Variants in TUBGCP3 observed in about 807,000 individuals in gnomAD.
TUBGCP3 encodes tubulin gamma complex component 3.
TUBGCP3 carries 50 observed loss-of-function variants against 123.1 expected under a neutral mutation model. The observed-to-expected ratio is 0.41, with a 90% CI of 0.32 to 0.51. The LOEUF (loss-of-function observed/expected upper bound fraction) is 0.51, where lower values mean the gene tolerates loss of function less well. Ranked by LOEUF, TUBGCP3 falls within the 20% of genes least tolerant of loss-of-function variation. The pLI is 0.36. For missense variants in TUBGCP3, 882 were observed against 1,127.0 expected (o/e 0.78, Z 3.11); for synonymous variants, 405 against 413.9 (o/e 0.98, Z 0.26).
chr13:112,525,772 C>T (rs993088407), intron 13 of TUBGCP3, among the ~76,000 whole-genome samples: 4 of 152,168 alleles, frequency 2.6e-5, no homozygotes, highest in Admixed American at 2.0e-4. Flanking sequence ...CCAAACAAAG[C>T]CTTTGCATCC....
At chr13:112,487,053 ATGTGTGTG>A (rs10522089) in intron 21 of TUBGCP3, among the ~76,000 whole-genome samples, 33 of 147,504 alleles carry the variant, frequency 2.2e-4, no homozygotes, top group African/African-American at 1.2e-4. Flanking sequence ...AACACTGTGT[ATGTGTGTG>A]TGTGTGTGTG....
intron 11 of TUBGCP3, among the ~76,000 whole-genome samples, chr13:112,535,242 C>T (rs1347902805): frequency 6.6e-6 from 1 of 152,210 alleles, no homozygotes; most frequent in Non-Finnish European, 1.5e-5. Flanking sequence ...AATGATGCTG[C>T]TATGAATGTT....
chr13:112,516,712 C>A, intron 16 of TUBGCP3, 137 bp from the exon 17 acceptor site: 1 of 1,048,816 alleles, frequency 9.5e-7, no homozygotes, highest in Non-Finnish European at 1.3e-6. Flanking sequence ...GTCACAGTAA[C>A]AGAAGGCAGG....
intron 20 of TUBGCP3, among the ~76,000 whole-genome samples, chr13:112,496,924 T>C (rs1187996383): frequency 2.7e-5 from 4 of 149,260 alleles, no homozygotes; most frequent in Non-Finnish European, 4.4e-5. Flanking sequence ...AGGCGGAGCC[T>C]GCAGTGAGCC....
chr13:112,531,529 T>C (rs1310180433), intron 11 of TUBGCP3, among the ~76,000 whole-genome samples: 2 of 152,210 alleles, frequency 1.3e-5, no homozygotes, highest in African/African-American at 2.4e-5. Flanking sequence ...ATATAAATTG[T>C]ATGTCTGTTA....
chr13:112,504,316 C>T (rs1030282096), intron 18 of TUBGCP3, among the ~76,000 whole-genome samples, 153 bp from the exon 19 acceptor site: 12 of 151,836 alleles, frequency 7.9e-5, no homozygotes, highest in African/African-American at 2.2e-4. Context: ...GGCAAAACCC[C>T]GTCTCTACTA....
In TUBGCP3 at chr13:112,547,456, G is replaced by C. The variant is rs191952346; in HGVS notation, c.1168+164C>G. 4.4e-5 allele frequency: 52 copies of C among 1,193,470 alleles called. No homozygotes were observed. The African/African-American group carries it at 7.4e-4, about 17-fold the overall frequency. 73.9% of individuals were successfully genotyped at this position (1,193,470 alleles called of 1,614,324 possible). ...ACGGGCAGGACACAAAAGCAAGCCT[G>C]GATGGCGCACCCTACAAACGAGTTC... On this transcript the variant is annotated intron_variant, in intron 10 of 21. Coordinates refer to ENST00000261965, the MANE Select transcript of TUBGCP3 (RefSeq NM_006322.6).
At chr13:112,553,933 G>C in intron 8 of TUBGCP3, 124 bp downstream of exon 8, 1 of 1,445,390 alleles carries the variant, frequency 6.9e-7, no homozygotes, top group East Asian at 2.3e-5. Context: ...CCTGAAAGTT[G>C]ACTCTCAAAG....
At chr13:112,599,691 T>C in the TUBGCP3 span, among the ~76,000 whole-genome samples, 1 of 149,248 alleles carries the variant, frequency 6.7e-6, no homozygotes, top group Non-Finnish European at 1.5e-5. Context: ...TATTTTTTAT[T>C]TTTTTTTTTA....
chr13:112,554,994 T>C lies in TUBGCP3; in HGVS notation c.733A>G (p.Ile245Val). The change falls in exon 7 of 22, where the codon ATT becomes GTT. Residue 245 changes from isoleucine (I) to valine (V), a missense_variant. Around this residue, in one of 3 missense-constraint regions of TUBGCP3, gnomAD observed 713 missense variants for 874.0 expected, o/e 0.82. Transcript: ENST00000261965. The part of the protein sequence containing the change: ...REGDTGGTME[I>V]TEAALVRDIL... The stretch of plus-strand genomic sequence containing the variant: ...TCCCTTACCAGAGCTGCTTCTGTAA[T>C]TTCCATAGTACCTGCAAAATCATTT... The C allele has an allele frequency of 6.2e-7, 1 of 1,600,242 alleles. No individual in the cohort carries two copies.
chr13:112,580,159 C>G (rs190320820), intron 1 of TUBGCP3, among the ~76,000 whole-genome samples: 1 of 152,180 alleles, frequency 6.6e-6, no homozygotes, highest in East Asian at 1.9e-4. Context: ...TGGCGGCCAG[C>G]ACAAAGGCAA....
chr13:112,572,578 A>G (rs1881495843), intron 1 of TUBGCP3, among the ~76,000 whole-genome samples: 1 of 152,186 alleles, frequency 6.6e-6, no homozygotes, highest in Non-Finnish European at 1.5e-5. Context: ...AAGGCTATTA[A>G]CTGGCCTAAT....
At chr13:112,505,537 C>T (rs149838647) in intron 17 of TUBGCP3, among the ~76,000 whole-genome samples, 210 of 152,282 alleles carry the variant, frequency 1.4e-3, no homozygotes, top group Non-Finnish European at 2.2e-3. Flanking sequence ...GGAACTTAAG[C>T]CTCTTTATAG....
At chr13:112,493,420 A>G (rs566649025) in intron 20 of TUBGCP3, among the ~76,000 whole-genome samples, 46 of 98,138 alleles carry the variant, frequency 4.7e-4, no homozygotes, top group Admixed American at 1.1e-3. Flanking sequence ...TCCCTGAGAC[A>G]CTCTGGCTAT....
At chr13:112,589,485 T>A (rs11164167), upstream of TUBGCP3, among the ~76,000 whole-genome samples, 23,020 of 152,290 alleles carry the variant, frequency 0.15, 2,028 homozygotes, top group East Asian at 0.21. Flanking sequence ...CCAGGAGCAA[T>A]CATCTCAACA....
At chr13:112,539,245 G>A (rs1878305222) in intron 11 of TUBGCP3, among the ~76,000 whole-genome samples, 1 of 152,132 alleles carries the variant, frequency 6.6e-6, no homozygotes. Context: ...GGAAGGGAAG[G>A]CCCAGAGAGG....
At chr13:112,532,424 A>C (rs1877658112) in intron 11 of TUBGCP3, among the ~76,000 whole-genome samples, 1 of 152,210 alleles carries the variant, frequency 6.6e-6, no homozygotes, top group Admixed American at 6.5e-5. Flanking sequence ...TTAAGTAAAC[A>C]TTTGAATCAA....
intron 11 of TUBGCP3, chr13:112,544,680 T>C (rs1878839294): frequency 6.6e-6 from 1 of 151,996 alleles, no homozygotes; most frequent in Non-Finnish European, 1.5e-5. Context: ...TATGCAGTAA[T>C]AAAGAAAAAC....
At chr13:112,584,404 T>A (rs954091532) in intron 1 of TUBGCP3, among the ~76,000 whole-genome samples, 1 of 152,216 alleles carries the variant, frequency 6.6e-6, no homozygotes, top group African/African-American at 2.4e-5. Flanking sequence ...TTAATACACA[T>A]CTAATGTATA....
Sources: allele counts gnomAD v4.1 joint callset (sites outside exome capture counted in the v4.1 genomes callset), GRCh38; gene constraint gnomAD v4.1.1; regional missense constraint gnomAD v4.1.1; transcripts MANE v1.5; gene names NCBI Gene and HGNC (gene_info 2026-07-23, HGNC 2026-07-21).